Variants in KIRREL1 observed in about 807,000 individuals in gnomAD.
The protein encoded by KIRREL1 is kirre like nephrin family adhesion molecule 1.
In KIRREL1, 25 loss-of-function variants were observed where a neutral mutation model predicts 83.3. That is an observed-to-expected ratio of 0.30 (90% CI 0.22 to 0.42). The LOEUF (loss-of-function observed/expected upper bound fraction) is 0.42, where lower values mean the gene tolerates loss of function less well. KIRREL1 is among the 10% of genes least tolerant of loss of function. KIRREL1 has a pLI of 1.00. For synonymous variants in KIRREL1, 388 were observed against 410.4 expected (o/e 0.95, Z 0.66); for missense variants, 812 against 1,032.3 (o/e 0.79, Z 2.92).
chr1:158,036,831 G>A (rs1374989227), intron 1 of KIRREL1, among the ~76,000 whole-genome samples: 1 of 152,186 alleles, frequency 6.6e-6, no homozygotes, highest in Non-Finnish European at 1.5e-5. Context: ...ACAGCAAGCT[G>A]TCTGGAGAAG....
intron 10 of KIRREL1, 146 bp downstream of exon 10, chr1:158,089,964 C>A: frequency 1.4e-6 from 1 of 691,002 alleles, no homozygotes; most frequent in Non-Finnish European, 2.6e-6. Context: ...CCCTCTGTCC[C>A]TTTACCTGCT....
At chr1:158,074,828 C>T (rs1217313224) in intron 1 of KIRREL1, among the ~76,000 whole-genome samples, 1 of 152,166 alleles carries the variant, frequency 6.6e-6, no homozygotes, top group East Asian at 1.9e-4. Flanking sequence ...AGTTTGCTTA[C>T]ACACAGGAGT....
chr1:158,039,766 T>A (rs773475244), intron 1 of KIRREL1, among the ~76,000 whole-genome samples: 17 of 152,218 alleles, frequency 1.1e-4, no homozygotes, highest in Admixed American at 6.5e-5. Context: ...TATTTCTAGG[T>A]CTTCTTTCCA....
intron 1 of KIRREL1, among the ~76,000 whole-genome samples, chr1:158,010,787 T>C (rs1349945327): frequency 2.0e-5 from 3 of 151,894 alleles, no homozygotes; most frequent in African/African-American, 7.3e-5. Context: ...GAAAACAAAG[T>C]TAACTGGTGT....
chr1:158,091,493 T>A lies in KIRREL1; in HGVS notation c.1408T>A (p.Tyr470Asn). The change falls in exon 11 of 15, where the codon TAC (tyrosine) becomes AAC (asparagine). Residue 470 changes from tyrosine to asparagine, a missense_variant. By Grantham distance (143) the Tyr-to-Asn change is moderately radical (BLOSUM62 -2). Transcript: ENST00000359209. Reference sequence around the variant, plus strand: ...CATGGAGGCCGACTTTCAGACTCACTACAACTGCACCGCCTGGAACAGCTT... The same window carrying A: ...CATGGAGGCCGACTTTCAGACTCACAACAACTGCACCGCCTGGAACAGCTT... ...NVMEADFQTH[Y>N]NCTAWNSFGP... 6.2e-7 allele frequency: 1 copy of A among 1,614,244 alleles called. No homozygotes were observed. The highest frequency in any genetic ancestry group is 8.5e-7 in the Non-Finnish European group (1 of 1,180,048).
chr1:158,084,306 C>T (rs1249956469), intron 3 of KIRREL1, 116 bp from the exon 4 acceptor site: 6 of 996,060 alleles, frequency 6.0e-6, no homozygotes, highest in Non-Finnish European at 8.8e-6. Flanking sequence ...TAGGGTGGTA[C>T]CGCCTACCTA....
chr1:158,021,306 C>A (rs1659998707), intron 1 of KIRREL1, among the ~76,000 whole-genome samples: 1 of 152,094 alleles, frequency 6.6e-6, no homozygotes, highest in Non-Finnish European at 1.5e-5. Flanking sequence ...GATTCTCCAC[C>A]AAAAAAGCAG....
intron 1 of KIRREL1, among the ~76,000 whole-genome samples, chr1:158,060,950 A>G (rs1570964179): frequency 6.6e-6 from 1 of 152,194 alleles, no homozygotes; most frequent in African/African-American, 2.4e-5. Flanking sequence ...CTACCTGAGC[A>G]GAGGTTAAAC....
At chr1:158,015,095 A>G (rs555950911) in intron 1 of KIRREL1, among the ~76,000 whole-genome samples, 2 of 152,202 alleles carry the variant, frequency 1.3e-5, no homozygotes, top group Non-Finnish European at 2.9e-5. Context: ...TTTTTAAATG[A>G]GTTTCATAAA....
intron 1 of KIRREL1, among the ~76,000 whole-genome samples, chr1:158,061,038 G>A (rs1383929720): frequency 6.6e-6 from 1 of 152,116 alleles, no homozygotes; most frequent in Non-Finnish European, 1.5e-5. Flanking sequence ...AGGCTTCCCT[G>A]TGCCCTGCTC....
At chr1:158,093,550 C>T in intron 12 of KIRREL1, 73 bp from the exon 13 acceptor site, 9 of 1,606,644 alleles carry the variant, frequency 5.6e-6, no homozygotes, top group Non-Finnish European at 6.8e-6. Context: ...AGCTCCAGCC[C>T]AGAGGGAGCC....
At chr1:158,088,724 T>C (rs1044495203) in intron 8 of KIRREL1, among the ~76,000 whole-genome samples, 1 of 151,914 alleles carries the variant, frequency 6.6e-6, no homozygotes, top group Non-Finnish European at 1.5e-5. Flanking sequence ...GACCTCGTGA[T>C]CCGCCCGCCT....
At chr1:158,008,840 A>G (rs1659592126) in intron 1 of KIRREL1, among the ~76,000 whole-genome samples, 2 of 152,098 alleles carry the variant, frequency 1.3e-5, no homozygotes, top group South Asian at 2.1e-4. Flanking sequence ...CTGTCTGGTT[A>G]GTTGTAAAGG....
intron 3 of KIRREL1, 65 bp from the exon 4 acceptor site, chr1:158,084,357 A>T: frequency 6.9e-7 from 1 of 1,446,842 alleles, no homozygotes; most frequent in Non-Finnish European, 9.3e-7. Context: ...CAGAGGCAGG[A>T]GTTTTGGTCT....
chr1:158,092,295 A>G (rs543651393), intron 11 of KIRREL1, among the ~76,000 whole-genome samples: 4 of 150,762 alleles, frequency 2.7e-5, no homozygotes, highest in African/African-American at 4.9e-5. Context: ...ACCATTTGAC[A>G]TAGGAGATGG....
chr1:158,042,488 C>T (rs751636006), intron 1 of KIRREL1, among the ~76,000 whole-genome samples: 1 of 152,154 alleles, frequency 6.6e-6, no homozygotes, highest in Non-Finnish European at 1.5e-5. Flanking sequence ...TTTCCACATG[C>T]GTAATATGGG....
At chr1:158,058,111 C>T (rs1389829104) in intron 1 of KIRREL1, among the ~76,000 whole-genome samples, 2 of 152,258 alleles carry the variant, frequency 1.3e-5, no homozygotes, top group South Asian at 2.1e-4. Flanking sequence ...TCTTCAGCTG[C>T]GTCTGTGGCC....
chr1:158,028,763 G>A (rs1250808967), intron 1 of KIRREL1, among the ~76,000 whole-genome samples: 3 of 152,138 alleles, frequency 2.0e-5, no homozygotes, highest in Admixed American at 6.5e-5. Flanking sequence ...GTCTTGTGAA[G>A]TAGGTATTAT....
At chr1:158,068,042 A>C (rs1328203502) in intron 1 of KIRREL1, among the ~76,000 whole-genome samples, 1 of 152,130 alleles carries the variant, frequency 6.6e-6, no homozygotes, top group African/African-American at 2.4e-5. Flanking sequence ...GGGAGGAGAG[A>C]TTGATTCTTC....
Sources: gnomAD v4.1 joint callset for allele counts (sites outside exome capture counted in the v4.1 genomes callset) on GRCh38, gnomAD v4.1.1 for gene constraint, MANE v1.5 for transcripts, NCBI Gene and HGNC (gene_info 2026-07-23, HGNC 2026-07-21) for gene names.